Variants in ZNF605 observed in about 807,000 individuals in gnomAD.
ZNF605 encodes zinc finger protein 605.
In ZNF605, 9 loss-of-function variants were observed where a neutral mutation model predicts 7.9. That is an observed-to-expected ratio of 1.14 (90% CI 0.68 to 1.98). ZNF605 has a LOEUF of 1.98. Ranked by LOEUF, ZNF605 falls within the 30% of genes most tolerant of loss-of-function variation. ZNF605 has a pLI of 0.00. For synonymous variants in ZNF605, 255 were observed against 260.1 expected (o/e 0.98, Z 0.19); for missense variants, 673 against 762.4 (o/e 0.88, Z 1.38).
Position 132,925,382 on chromosome 12 carries a change from A to G in ZNF605, c.1917T>C (p.His639=). ...GCCAAAGTCATGATTTTTATATTAT[A>G]TGATTTCTCTGATGTATCATAAGCT... ...KSQLMIHQRN[H]II is the part of the protein sequence containing the mutation. Residue 639 remains histidine, a synonymous_variant, in exon 5 of 5, where the codon CAT becomes CAC. Transcript: ENST00000360187. 1 of 1,576,260 alleles carries G rather than the reference A, an allele frequency of 6.3e-7. No individual in the cohort carries two copies. Among genetic ancestry groups the G allele is most frequent in the East Asian group, 2.3e-5 (1 of 44,428 alleles).
At chr12:132,947,324 T>A (rs901703548) in intron 2 of ZNF605, among the ~76,000 whole-genome samples, 31 of 151,964 alleles carry the variant, frequency 2.0e-4, no homozygotes, top group Middle Eastern at 3.4e-3. Flanking sequence ...CACATTTTTT[T>A]CTTTGAGACA....
intron 3 of ZNF605, among the ~76,000 whole-genome samples, chr12:132,939,145 A>G (rs9668600): frequency 0.25 from 36,691 of 149,194 alleles, 4,743 homozygotes; most frequent in Non-Finnish European, 0.27. Flanking sequence ...GCGAGCGCAC[A>G]GCGCAGGACT....
At chr12:132,939,481 ACT>A (rs1381974530) in intron 3 of ZNF605, among the ~76,000 whole-genome samples, 37 of 151,892 alleles carry the variant, frequency 2.4e-4, no homozygotes, top group South Asian at 6.2e-4. Flanking sequence ...ACCAATTGAC[ACT>A]CTGTATCTAG....
chr12:132,925,331 C>T lies in ZNF605; in HGVS notation c.*42G>A, dbSNP rs1323321170. 2.8e-6 allele frequency: 4 copies of T among 1,436,680 alleles called. No homozygotes were observed. The highest frequency in any genetic ancestry group is 3.8e-6 in the Non-Finnish European group (4 of 1,057,686). 89.0% of individuals were successfully genotyped at this position (1,436,680 alleles called of 1,614,324 possible). ...TCCTCAAAAGTGTCAGAAAGTATGA[C>T]ACTTGATAGCAACCTTTCTGCATTC... On this transcript the variant is annotated 3_prime_UTR_variant, in exon 5 of 5. Coordinates refer to ENST00000360187, the MANE Select transcript of ZNF605 (RefSeq NM_183238.4).
Position 132,948,595 on chromosome 12 carries a change from C to G in ZNF605, c.-285-325G>C, listed in dbSNP as rs1424842292. On this transcript the variant is annotated intron_variant, in intron 1 of 4. Coordinates refer to ENST00000360187, the MANE Select transcript of ZNF605 (RefSeq NM_183238.4). Reference sequence around the variant, plus strand: ...AGCGAGAAGACCTACAGCAAGAGCCCTTTTCTCGTCTTTGTGTGTCTTCAC... The same window carrying G: ...AGCGAGAAGACCTACAGCAAGAGCCGTTTTCTCGTCTTTGTGTGTCTTCAC... 5 of 152,354 alleles carry G rather than the reference C, an allele frequency of 3.3e-5. No individual in the cohort carries two copies. The East Asian group carries it at 9.6e-4, about 29-fold the overall frequency. The allele number at this position is 152,354 out of a possible 1,614,324, so 9.4% of individuals were successfully genotyped here.
chr12:132,942,748 G>A (rs915154506), intron 3 of ZNF605, among the ~76,000 whole-genome samples: 1 of 152,214 alleles, frequency 6.6e-6, no homozygotes, highest in Non-Finnish European at 1.5e-5. Context: ...CCAGTGTTCT[G>A]CTGTGCCTGA....
rs1952242404 is a variant in ZNF605 at position 132,925,958 on chromosome 12, C to CGA, written c.1340_1341insTC (p.Lys447AsnfsTer19). On this transcript the variant is annotated frameshift_variant, in exon 5 of 5. Transcript: ENST00000360187. LOFTEE classifies it low-confidence loss of function (END_TRUNC). ...TCCCACACTCACTGCATTCATAAGGCTTCTCCCCAGTGTGTGTTCTGTGAT... is the reference window on the plus strand; with the variant it reads ...TCCCACACTCACTGCATTCATAAGGCGATTCTCCCCAGTGTGTGTTCTGTGAT... 1 of 1,613,840 alleles carries CGA rather than the reference C, an allele frequency of 6.2e-7. No individual in the cohort carries two copies. The highest frequency in any genetic ancestry group is 1.3e-5 in the African/African-American group (1 of 74,850).
intron 1 of ZNF605, among the ~76,000 whole-genome samples, chr12:132,950,703 GCA>G (rs79312637): frequency 0.16 from 24,768 of 151,078 alleles, 2,304 homozygotes; most frequent in South Asian, 0.25. Flanking sequence ...ACACAGACAT[GCA>G]CACACACTCA....
At chr12:132,942,306 A>G (rs1342241506) in intron 3 of ZNF605, among the ~76,000 whole-genome samples, 6 of 152,244 alleles carry the variant, frequency 3.9e-5, no homozygotes, top group Non-Finnish European at 5.9e-5. Context: ...CTGCCTTTCC[A>G]TGGACTGTGG....
chr12:132,926,698 C>T lies in ZNF605; in HGVS notation c.601G>A (p.Glu201Lys). 6.2e-7 allele frequency: 1 copy of T among 1,614,140 alleles called. No homozygotes were observed. The highest frequency in any genetic ancestry group is 1.3e-5 in the African/African-American group (1 of 75,026). Reference protein sequence around the residue: ...HTGEKPYQCSECGKAFSQKSL... With the variant: ...HTGEKPYQCSKCGKAFSQKSL... ...TTCTGTGAAAAGGCTTTTCCACACT[C>T]ACTGCATTGATAGGGCTTCTCTCCT... Residue 201 changes from glutamate to lysine, a missense_variant, in exon 5 of 5, where the codon GAG becomes AAG. Physicochemically the swap from Glu to Lys is moderately conservative, Grantham distance 56. Transcript: ENST00000360187.
At chr12:132,938,584 C>A (rs1319706337) in intron 3 of ZNF605, among the ~76,000 whole-genome samples, 2 of 152,182 alleles carry the variant, frequency 1.3e-5, no homozygotes, top group African/African-American at 2.4e-5. Context: ...GAGGTGACAG[C>A]GTGCTGGCAG....
At chr12:132,954,052 C>T (rs1422444817) in intron 1 of ZNF605, among the ~76,000 whole-genome samples, 2 of 151,922 alleles carry the variant, frequency 1.3e-5, no homozygotes, top group African/African-American at 2.4e-5. Flanking sequence ...AACTGTCCCC[C>T]ATTCAACGAT....
chr12:132,935,127 C>T (rs1433041404), intron 3 of ZNF605, among the ~76,000 whole-genome samples: 3 of 152,118 alleles, frequency 2.0e-5, no homozygotes, highest in Non-Finnish European at 4.4e-5. Context: ...CAGAGGCCAG[C>T]CTTCAGCTGG....
intron 4 of ZNF605, chr12:132,932,617 C>T: frequency 1.3e-6 from 1 of 776,834 alleles, no homozygotes; most frequent in Non-Finnish European, 2.0e-6. Context: ...GAACTTTAAA[C>T]ACAGTTTTAT....
chr12:132,941,161 C>T lies in ZNF605; in HGVS notation c.15+4460G>A, dbSNP rs1593594718. 6.6e-6 allele frequency among the ~76,000 whole-genome samples: 1 copy of T among 152,152 alleles called. No individual in the cohort carries two copies. Among genetic ancestry groups the T allele is most frequent in the East Asian group, 1.9e-4 (1 of 5,162 alleles). On this transcript the variant is annotated intron_variant, in intron 3 of 4. Transcript: ENST00000360187. This position sits in a 1 kb window ranked among gnomAD's most constrained non-coding sequence, Gnocchi z 5.1. ...ATGCAGACTAAGATGTCTTCCACTC[C>T]GGAGCAAGCAGATATGTGACTGACC... is the stretch of plus-strand genomic sequence containing the variant.
intron 3 of ZNF605, chr12:132,945,118 G>A (rs1420386775): frequency 4.8e-5 from 18 of 374,960 alleles, no homozygotes; most frequent in Non-Finnish European, 1.5e-5. Context: ...CTCCCGAGTA[G>A]CTGGGAGGCT....
At position 132,936,596 on chromosome 12, in the gene ZNF605, A is replaced by G. The variant is rs112674210; in HGVS notation, c.16-3441T>C. Among the ~76,000 whole-genome samples the G allele has an allele frequency of 3.6e-3, 542 of 152,298 alleles. 4 individuals are homozygous for G. Among genetic ancestry groups the G allele is most frequent in the African/African-American group, 0.013 (521 of 41,576 alleles). On this transcript the variant is annotated intron_variant, in intron 3 of 4. Transcript: ENST00000360187. ...AAAATAAGCCCCTACAAATATACTC[A>G]ATTGTTTCACAAAAGTACAAAAAGC...
At chr12:132,946,776 C>T (rs1952497995) in intron 2 of ZNF605, among the ~76,000 whole-genome samples, 1 of 152,186 alleles carries the variant, frequency 6.6e-6, no homozygotes, top group Admixed American at 6.5e-5. Context: ...CAGGTCTACC[C>T]TCTGTCCTGG....
intron 3 of ZNF605, among the ~76,000 whole-genome samples, chr12:132,934,381 T>C (rs1368328854): frequency 6.6e-6 from 1 of 152,098 alleles, no homozygotes; most frequent in Non-Finnish European, 1.5e-5. Flanking sequence ...ATTTTAGGTA[T>C]CTTCCAAAAC....
Sources: allele counts gnomAD v4.1 joint callset (sites outside exome capture counted in the v4.1 genomes callset), GRCh38; gene constraint gnomAD v4.1.1; non-coding constraint Gnocchi (gnomAD v3.1); transcripts MANE v1.5; gene names NCBI Gene and HGNC (gene_info 2026-07-23, HGNC 2026-07-21).